The following ZNF665 variants were observed in gnomAD, a reference collection of about 807,000 sequenced individuals.
The protein encoded by ZNF665 is zinc finger protein 665.
Under a neutral mutation model 7.9 loss-of-function variants are expected in ZNF665, and 6 were observed. That is an observed-to-expected ratio of 0.76 (90% CI 0.42 to 1.50). The LOEUF is 1.50. ZNF665 is among the 40% of genes most tolerant of loss of function. The pLI is 0.01. For synonymous variants in ZNF665, 242 were observed against 274.5 expected (o/e 0.88, Z 1.17); for missense variants, 819 against 806.7 (o/e 1.02, Z -0.18).
chr19:53,174,268 G>A (rs1450371564), intron 3 of ZNF665, among the ~76,000 whole-genome samples: 1 of 152,154 alleles, frequency 6.6e-6, no homozygotes. Flanking sequence ...TTCATAGAAA[G>A]CCAGTAACAG....
chr19:53,172,976 T>C (rs150064364), intron 3 of ZNF665, among the ~76,000 whole-genome samples: 1 of 152,186 alleles, frequency 6.6e-6, no homozygotes, highest in Non-Finnish European at 1.5e-5. Flanking sequence ...TTGCAAATAC[T>C]TTCTCACAAT....
chr19:53,179,432 T>C (rs1237031878), intron 2 of ZNF665: 3 of 148,518 alleles, frequency 2.0e-5, no homozygotes, highest in African/African-American at 4.9e-5. Context: ...TGTATAAATA[T>C]GTAAATTTAT....
chr19:53,185,094 C>T (rs913406005), intron 1 of ZNF665, among the ~76,000 whole-genome samples: 26 of 151,940 alleles, frequency 1.7e-4, no homozygotes, highest in African/African-American at 5.1e-4. Flanking sequence ...CACAGGGAGA[C>T]GGTTAGGCCT....
At chr19:53,167,377 C>A (rs1291944811) in intron 3 of ZNF665, among the ~76,000 whole-genome samples, 1 of 151,902 alleles carries the variant, frequency 6.6e-6, no homozygotes, top group African/African-American at 2.4e-5. Context: ...AATATTTTAG[C>A]AACTCAGGAT....
intron 3 of ZNF665, among the ~76,000 whole-genome samples, chr19:53,168,497 A>G (rs2090634552): frequency 6.6e-6 from 1 of 152,240 alleles, no homozygotes; most frequent in Non-Finnish European, 1.5e-5. Flanking sequence ...CAGCATTTAG[A>G]AGACTCAATA....
At chr19:53,189,367 T>A (rs867665993) in intron 1 of ZNF665, among the ~76,000 whole-genome samples, 1 of 150,730 alleles carries the variant, frequency 6.6e-6, no homozygotes, top group Admixed American at 6.6e-5. Flanking sequence ...GCCCCGAATG[T>A]CTGGCTGCGC....
chr19:53,176,861 TG>T (rs1190942409), intron 2 of ZNF665, among the ~76,000 whole-genome samples: 1 of 152,248 alleles, frequency 6.6e-6, no homozygotes, highest in Admixed American at 6.5e-5. Flanking sequence ...GGCTCACGCC[TG>T]TAATCCCAGC....
At chr19:53,173,277 T>A (rs543650151) in intron 3 of ZNF665, among the ~76,000 whole-genome samples, 1 of 152,216 alleles carries the variant, frequency 6.6e-6, no homozygotes, top group African/African-American at 2.4e-5. Flanking sequence ...TTTCTAGCAA[T>A]ACTTATTGAA....
chr19:53,171,530 T>A (rs1465752016), intron 3 of ZNF665, among the ~76,000 whole-genome samples: 33 of 75,678 alleles, frequency 4.4e-4, no homozygotes, highest in South Asian at 6.2e-4. Flanking sequence ...ATATATTTTT[T>A]TTTTTTTTTT....
chr19:53,177,393 T>C (rs1479841263), intron 2 of ZNF665, among the ~76,000 whole-genome samples: 1 of 151,750 alleles, frequency 6.6e-6, no homozygotes, highest in Non-Finnish European at 1.5e-5. Context: ...AGGTCAGGAG[T>C]TCGAGACCAA....
At chr19:53,177,250 A>G (rs2090705444) in intron 2 of ZNF665, among the ~76,000 whole-genome samples, 1 of 152,314 alleles carries the variant, frequency 6.6e-6, no homozygotes, top group South Asian at 2.1e-4. Flanking sequence ...CTAAGAGGTT[A>G]TGATATCCTC....
rs1187146366 is a variant in ZNF665, at chr19:53,165,417, T to G, written c.1073A>C (p.Asn358Thr). 6.2e-7 allele frequency: 1 copy of G among 1,613,428 alleles called. No homozygotes were observed. The highest frequency in any genetic ancestry group is 1.7e-5 in the Admixed American group (1 of 59,948). ...CNECGKVFRH[N>T]SYLAKHRRIH... ...TCGCCGATGCTTTGCAAGGTATGAA[T>G]TGTGCCTGAAGACCTTGCCACATTC... Residue 358 changes from asparagine to threonine, a missense_variant, in exon 4 of 4, where the codon AAT becomes ACT. Asn to Thr is a moderately conservative substitution (Grantham distance 65). Coordinates refer to ENST00000396424, the MANE Select transcript of ZNF665 (RefSeq NM_024733.5).
At chr19:53,173,372 CTTTTT>C (rs34425717) in intron 3 of ZNF665, among the ~76,000 whole-genome samples, 1 of 78,880 alleles carries the variant, frequency 1.3e-5, no homozygotes, top group Non-Finnish European at 2.3e-5. Flanking sequence ...TTTTTTCACT[CTTTTT>C]TTTTTTTTTT....
At chr19:53,171,500 G>A (rs1358455616) in intron 3 of ZNF665, among the ~76,000 whole-genome samples, 1 of 31,274 alleles carries the variant, frequency 3.2e-5, no homozygotes, top group African/African-American at 8.3e-5. Flanking sequence ...GTGTGTGTGT[G>A]TGTGTATATA....
At chr19:53,185,223 C>T (rs1452666700) in intron 1 of ZNF665, among the ~76,000 whole-genome samples, 2 of 151,818 alleles carry the variant, frequency 1.3e-5, no homozygotes, top group Middle Eastern at 3.2e-3. Context: ...TGCTAAGTAG[C>T]GGGTGTTGTT....
chr19:53,182,650 CG>C (rs2146877374), intron 2 of ZNF665: 2 of 873,848 alleles, frequency 2.3e-6, no homozygotes, highest in Non-Finnish European at 1.8e-6. Flanking sequence ...CCATCCATGT[CG>C]GGGTGTGAGC....
Position 53,163,823 on chromosome 19 carries a change from A to C in ZNF665, c.*630T>G, listed in dbSNP as rs1248889319. ...AGGGTTATGAGGAAACTAGAGACTG[A>C]GTTCTACTCTTCCTATGAATCCTCA... On this transcript the variant is annotated 3_prime_UTR_variant, in exon 4 of 4. Transcript: ENST00000396424. The C allele has an allele frequency of 1.3e-5, 2 of 152,210 alleles. No homozygotes were observed. Among genetic ancestry groups the C allele is most frequent in the Admixed American group, 1.3e-4 (2 of 15,268 alleles). The allele number at this position is 152,210 out of a possible 1,614,324, so 9.4% of individuals were successfully genotyped here.
Position 53,189,635 on chromosome 19 carries a change from A to T in ZNF665, c.-46+3677T>A, listed in dbSNP as rs368599263. ...GCCAGGTGTACAGGATGGAACATGA[A>T]GGCGGACTAGGAGCGTGACCACCGA... On this transcript the variant is annotated intron_variant, in intron 1 of 3. Transcript: ENST00000396424. Among the ~76,000 whole-genome samples, 154 of 147,804 alleles carry T rather than the reference A, an allele frequency of 1.0e-3. 3 individuals carry two copies. The East Asian group carries it at 0.024, about 23-fold the overall frequency.
At chr19:53,182,465 T>C (rs886763850) in intron 2 of ZNF665, 14 of 510,796 alleles carry the variant, frequency 2.7e-5, no homozygotes, top group African/African-American at 2.1e-4. Context: ...GACAAAGCTT[T>C]CCCCACAGTC....
Sources: gnomAD v4.1 joint callset for allele counts (sites outside exome capture counted in the v4.1 genomes callset) on GRCh38, gnomAD v4.1.1 for gene constraint, MANE v1.5 for transcripts, NCBI Gene and HGNC (gene_info 2026-07-23, HGNC 2026-07-21) for gene names.